The following CARMIL1 variants were observed in gnomAD, a reference collection of about 807,000 sequenced individuals.
CARMIL1 encodes the protein capping protein regulator and myosin 1 linker 1.
Under a neutral mutation model 177.1 loss-of-function variants are expected in CARMIL1, and 90 were observed. That is an observed-to-expected ratio of 0.51 (90% confidence interval 0.43 to 0.61). The LOEUF is 0.61. CARMIL1 is among the 20% of genes least tolerant of loss of function. The pLI, the probability that CARMIL1 is intolerant of heterozygous loss-of-function variation, is 0.00. For synonymous variants in CARMIL1, 577 were observed against 606.2 expected (o/e 0.95, Z 0.71); for missense variants, 1,380 against 1,667.0 (o/e 0.83, Z 3.00).
At chr6:25,304,454 T>G (rs1478739301) in intron 2 of CARMIL1, among the ~76,000 whole-genome samples, 8 of 152,202 alleles carry the variant, frequency 5.3e-5, no homozygotes, top group Non-Finnish European at 1.2e-4. Context: ...GGGATGGTTT[T>G]GGGATAAACT....
At chr6:25,568,723 A>T (rs1421102584) in intron 29 of CARMIL1, among the ~76,000 whole-genome samples, 1 of 152,172 alleles carries the variant, frequency 6.6e-6, no homozygotes, top group Non-Finnish European at 1.5e-5. Flanking sequence ...ATTCTTTATC[A>T]TGGCCATAAA....
chr6:25,475,729 G>A (rs1256966093), intron 11 of CARMIL1, among the ~76,000 whole-genome samples: 1 of 152,196 alleles, frequency 6.6e-6, no homozygotes, highest in Non-Finnish European at 1.5e-5. Context: ...ACATTGTTTG[G>A]GGAGATGGAA....
intron 18 of CARMIL1, among the ~76,000 whole-genome samples, 174 bp from the exon 19 acceptor site, chr6:25,510,333 G>C (rs1224167981): frequency 5.3e-5 from 8 of 152,106 alleles, no homozygotes; most frequent in Non-Finnish European, 1.0e-4. Flanking sequence ...GAAATAATAG[G>C]ACATGAAAAG....
At chr6:25,602,876 A>T (rs1161622308) in intron 33 of CARMIL1, among the ~76,000 whole-genome samples, 1 of 152,230 alleles carries the variant, frequency 6.6e-6, no homozygotes, top group Non-Finnish European at 1.5e-5. Context: ...AACTGTAAGT[A>T]TGAAGATATG....
chr6:25,483,605 C>A (rs1396342335), intron 12 of CARMIL1, among the ~76,000 whole-genome samples: 3 of 142,718 alleles, frequency 2.1e-5, no homozygotes, highest in African/African-American at 7.9e-5. Flanking sequence ...CTACCTGGAG[C>A]AACCTTAGTG....
intron 28 of CARMIL1, among the ~76,000 whole-genome samples, chr6:25,556,177 C>T (rs1345570687): frequency 6.6e-6 from 1 of 152,302 alleles, no homozygotes; most frequent in East Asian, 1.9e-4. Context: ...CAGCTCAGCA[C>T]TGAAGTTTGT....
intron 2 of CARMIL1, among the ~76,000 whole-genome samples, chr6:25,310,582 T>G (rs1010732976): frequency 6.6e-6 from 1 of 152,198 alleles, no homozygotes; most frequent in African/African-American, 2.4e-5. Flanking sequence ...TATTCTATAT[T>G]CCGGGTTGCA....
chr6:25,311,564 G>T (rs1466482222), intron 2 of CARMIL1, among the ~76,000 whole-genome samples: 1 of 152,164 alleles, frequency 6.6e-6, no homozygotes, highest in Non-Finnish European at 1.5e-5. Context: ...AGCATTAGAT[G>T]GAGATCTGTA....
At chr6:25,370,895 T>C (rs1315062941) in intron 2 of CARMIL1, among the ~76,000 whole-genome samples, 2 of 152,158 alleles carry the variant, frequency 1.3e-5, no homozygotes, top group African/African-American at 4.8e-5. Context: ...ATGTAGCTTT[T>C]TTTTATCCCT....
chr6:25,594,441 A>G lies in CARMIL1; in HGVS notation c.3033A>G (p.Gln1011=). Residue 1011 remains glutamine, a synonymous_variant, in exon 32 of 37, where the codon CAA becomes CAG. Transcript: ENST00000329474. ...TCTGTGCTGCCAACATAGTCTCACA[A>G]GATGGTGAACAGAATGGTCTCATGG... ...AAVCAANIVS[Q]DGEQNGLMGR... 7 of 1,613,016 alleles carry G rather than the reference A, an allele frequency of 4.3e-6. No homozygotes were observed. Among genetic ancestry groups the G allele is most frequent in the Non-Finnish European group, 5.9e-6 (7 of 1,179,458 alleles).
At chr6:25,312,918 A>AC (rs934811356) in intron 2 of CARMIL1, among the ~76,000 whole-genome samples, 25 of 141,880 alleles carry the variant, frequency 1.8e-4, no homozygotes, top group Admixed American at 3.5e-4. Flanking sequence ...AAAAAAAAAA[A>AC]AAAAAAAAAA....
At chr6:25,314,589 T>TATGTATGTATAC (rs1432109539) in intron 2 of CARMIL1, among the ~76,000 whole-genome samples, 6 of 152,046 alleles carry the variant, frequency 3.9e-5, no homozygotes, top group South Asian at 2.1e-4. Context: ...TGCACTTATA[T>TATGTATGTATAC]ATTCACAATG....
chr6:25,566,218 A>C (rs1325771815), intron 29 of CARMIL1, among the ~76,000 whole-genome samples: 1 of 152,182 alleles, frequency 6.6e-6, no homozygotes. Context: ...GAGTTTTCTA[A>C]ATGGAAATCA....
Position 25,539,051 on chromosome 6 carries a change from A to C in CARMIL1, c.2197-896A>C, listed in dbSNP as rs189954169. Among the ~76,000 whole-genome samples the C allele has an allele frequency of 1.8e-3, 278 of 152,036 alleles. 1 individual carries two copies. Among genetic ancestry groups the C allele is most frequent in the African/African-American group, 6.4e-3 (267 of 41,456 alleles). The stretch of plus-strand genomic sequence containing the variant: ...CCTGACCCCTTACTTCACCCTATAC[A>C]TCTTCTGTTTGGCTCCTCCTGAGCT... On this transcript the variant is annotated intron_variant, in intron 25 of 36. Transcript: ENST00000329474.
intron 11 of CARMIL1, among the ~76,000 whole-genome samples, chr6:25,476,086 T>G (rs1801553005): frequency 6.6e-6 from 1 of 152,270 alleles, no homozygotes; most frequent in Non-Finnish European, 1.5e-5. Flanking sequence ...TTGATTGATT[T>G]GATTTTATTC....
intron 2 of CARMIL1, among the ~76,000 whole-genome samples, chr6:25,410,200 A>G (rs1253921170): frequency 1.3e-5 from 2 of 151,986 alleles, no homozygotes; most frequent in African/African-American, 4.8e-5. Context: ...AAATGCTAAT[A>G]TAACAAGGGA....
At chr6:25,544,425 A>T (rs1002876616) in intron 26 of CARMIL1, among the ~76,000 whole-genome samples, 2 of 152,032 alleles carry the variant, frequency 1.3e-5, no homozygotes, top group African/African-American at 4.8e-5. Context: ...CGATATTAAC[A>T]CTGACAGCTC....
chr6:25,293,878 C>A (rs1561945159), intron 2 of CARMIL1, among the ~76,000 whole-genome samples: 2 of 152,182 alleles, frequency 1.3e-5, no homozygotes, highest in African/African-American at 4.8e-5. Context: ...TGGGCTGCCC[C>A]ACCTGGCTAA....
intron 2 of CARMIL1, among the ~76,000 whole-genome samples, chr6:25,386,468 G>T (rs1018163007): frequency 2.0e-5 from 3 of 151,982 alleles, no homozygotes; most frequent in African/African-American, 4.8e-5. Context: ...TGGTGAAACT[G>T]CTGACCTCAA....
Sources: gnomAD v4.1 joint callset for allele counts (sites outside exome capture counted in the v4.1 genomes callset) on GRCh38, gnomAD v4.1.1 for gene constraint, MANE v1.5 for transcripts, NCBI Gene and HGNC (gene_info 2026-07-23, HGNC 2026-07-21) for gene names.